NSUN3: variants seen among roughly 807,000 people sequenced by gnomAD.
NSUN3 encodes the protein NOP2/Sun RNA methyltransferase 3, also known as tRNA (cytosine(34)-C(5))-methyltransferase, mitochondrial.
In NSUN3, 24 loss-of-function variants were observed where a neutral mutation model predicts 36.8. The observed-to-expected ratio is 0.65, with a 90% CI of 0.47 to 0.92. The LOEUF (loss-of-function observed/expected upper bound fraction) is 0.92, where lower values mean the gene tolerates loss of function less well. Among genes scored for constraint, NSUN3 ranks in the 40% least tolerant of loss-of-function variants. The probability of loss-of-function intolerance (pLI) is 0.00; values close to 1 mark genes in which losing one functional copy is unlikely to be tolerated. For synonymous variants in NSUN3, 146 were observed against 145.2 expected, an observed-to-expected ratio of 1.01 and a Z score of -0.04; for missense variants, 381 against 392.8, an observed-to-expected ratio of 0.97 and a Z score of 0.25.
chr3:94,124,795 G>A (rs911034685), intron 5 of NSUN3, among the ~76,000 whole-genome samples: 2 of 152,150 alleles, frequency 1.3e-5, no homozygotes, highest in African/African-American at 4.8e-5. Context: ...CAGCTAGAAT[G>A]TAAGCTTCAT....
At position 94,084,263 on chromosome 3, in the gene NSUN3, T is replaced by C; in HGVS notation, c.279T>C (p.Leu93=). 6.2e-7 allele frequency: 1 copy of C among 1,614,114 alleles called. No individual in the cohort carries two copies. Among genetic ancestry groups the C allele is most frequent in the Non-Finnish European group, 8.5e-7 (1 of 1,180,016 alleles). ...PNYPKSVKCY[L]SRTPGRIPSE... Reference sequence around the variant, plus strand: ...ATCCTAAATCAGTGAAGTGTTACCTTAGCAGAACTCCGGGCCGAATCCCTT... The same window carrying C: ...ATCCTAAATCAGTGAAGTGTTACCTCAGCAGAACTCCGGGCCGAATCCCTT... The change falls in exon 3 of 6, where the codon CTT becomes CTC. Residue 93 remains leucine, a synonymous_variant. Coordinates refer to ENST00000314622, the MANE Select transcript of NSUN3 (RefSeq NM_022072.5).
intron 2 of NSUN3, among the ~76,000 whole-genome samples, chr3:94,081,037 G>C (rs1258441345): frequency 6.6e-6 from 1 of 152,188 alleles, no homozygotes; most frequent in African/African-American, 2.4e-5. Context: ...GGCCCTGGTG[G>C]GGTAGGCACC....
At chr3:94,071,182 G>A (rs936397959) in intron 2 of NSUN3, among the ~76,000 whole-genome samples, 1 of 152,104 alleles carries the variant, frequency 6.6e-6, no homozygotes, top group Non-Finnish European at 1.5e-5. Flanking sequence ...ACTTTTATAA[G>A]TTGTTTTGAT....
intron 5 of NSUN3, among the ~76,000 whole-genome samples, chr3:94,119,608 G>T (rs1229714932): frequency 2.0e-5 from 3 of 152,220 alleles, no homozygotes; most frequent in Non-Finnish European, 4.4e-5. Flanking sequence ...TAGGCCCAGG[G>T]ATTGGGGTCC....
chr3:94,077,207 C>T (rs764914944), intron 2 of NSUN3: 54 of 671,794 alleles, frequency 8.0e-5, no homozygotes, highest in South Asian at 5.5e-4. Flanking sequence ...ATACTGGAGT[C>T]GGGTGTTGCA....
At chr3:94,076,272 C>A (rs1364741157) in intron 2 of NSUN3, 9 of 901,326 alleles carry the variant, frequency 1.0e-5, no homozygotes, top group Non-Finnish European at 1.5e-5. Flanking sequence ...TTTCAGATTT[C>A]TCAGATCCCA....
chr3:94,103,963 C>T (rs1399029757), intron 5 of NSUN3, among the ~76,000 whole-genome samples: 1 of 152,180 alleles, frequency 6.6e-6, no homozygotes, highest in Non-Finnish European at 1.5e-5. Context: ...TTCTCATAAA[C>T]ATGTAGATAA....
chr3:94,065,708 G>A (rs915362940), intron 2 of NSUN3, among the ~76,000 whole-genome samples: 5 of 152,274 alleles, frequency 3.3e-5, no homozygotes, highest in African/African-American at 7.2e-5. Flanking sequence ...TATGCAAACC[G>A]TTTATACTCG....
At chr3:94,087,211 A>G (rs2077295654) in intron 3 of NSUN3, among the ~76,000 whole-genome samples, 1 of 152,230 alleles carries the variant, frequency 6.6e-6, no homozygotes, top group South Asian at 2.1e-4. Context: ...GCTGATGCTT[A>G]AAGCCCAAGT....
At chr3:94,088,881 C>A (rs2107250900) in intron 3 of NSUN3, among the ~76,000 whole-genome samples, 1 of 152,220 alleles carries the variant, frequency 6.6e-6, no homozygotes, top group Non-Finnish European at 1.5e-5. Context: ...GTTGGCCAGG[C>A]TGGTCTCGAG....
rs1178367730 is a variant in NSUN3, at chr3:94,131,092, T to TATA, written c.*4604_*4605insAAT. 6.6e-6 allele frequency among the ~76,000 whole-genome samples: 1 copy of TATA among 151,828 alleles called. No individual in the cohort carries two copies. On this transcript the variant is annotated 3_prime_UTR_variant, in exon 6 of 6. Coordinates refer to ENST00000314622, the MANE Select transcript of NSUN3 (RefSeq NM_022072.5). ...CATGCCTGGCTAATTTTTAAATTAT[T>TATA]ATTATTATTATTATTGTAGAGATGT... is the stretch of plus-strand genomic sequence containing the variant.
At position 94,084,456 on chromosome 3, in the gene NSUN3, G is replaced by A. The variant is rs369732392; in HGVS notation, c.466+6G>A. 3 of 1,595,700 alleles carry A rather than the reference G, an allele frequency of 1.9e-6. No individual in the cohort carries two copies. The highest frequency in any genetic ancestry group is 2.6e-6 in the Non-Finnish European group (3 of 1,170,140). ...GCTGCAGTGTGCTTGTCCAGGTAGT[G>A]TGCTTTCCTTTCAGTATTTGACAAC... is the stretch of plus-strand genomic sequence containing the variant. On this transcript the variant is annotated splice_donor_region_variant and intron_variant, in intron 3 of 5. Transcript: ENST00000314622.
At chr3:94,125,150 T>C (rs911063967) in intron 5 of NSUN3, among the ~76,000 whole-genome samples, 2 of 152,260 alleles carry the variant, frequency 1.3e-5, no homozygotes, top group African/African-American at 4.8e-5. Context: ...TGCTGATCTG[T>C]CTGCATTTAA....
At chr3:94,100,277 C>G (rs551989487) in intron 5 of NSUN3, among the ~76,000 whole-genome samples, 1 of 152,178 alleles carries the variant, frequency 6.6e-6, no homozygotes, top group African/African-American at 2.4e-5. Flanking sequence ...ACTTTATACA[C>G]GTGAGAACTT....
At position 94,076,782 on chromosome 3, in the gene NSUN3, G is replaced by A. The variant is rs111426797; in HGVS notation, c.123-7325G>A. On this transcript the variant is annotated intron_variant, in intron 2 of 5. Coordinates refer to ENST00000314622, the MANE Select transcript of NSUN3 (RefSeq NM_022072.5). ...ATACAAGGATTCTGGGGCATATAAC[G>A]GGCCCTGTTTACTTCTCCTTCATGG... 7,997 of 1,551,416 alleles carry A rather than the reference G, an allele frequency of 5.2e-3. 169 individuals carry two copies. In the African/African-American group the frequency reaches 0.059, roughly 11 times the overall value.
At chr3:94,090,145 G>T (rs1007684607) in intron 3 of NSUN3, among the ~76,000 whole-genome samples, 5 of 152,004 alleles carry the variant, frequency 3.3e-5, no homozygotes, top group Non-Finnish European at 1.5e-5. Flanking sequence ...AGATTGCCAT[G>T]TACAAATGCT....
intron 5 of NSUN3, among the ~76,000 whole-genome samples, chr3:94,121,996 T>G (rs2077464584): frequency 6.6e-6 from 1 of 150,932 alleles, no homozygotes; most frequent in East Asian, 2.0e-4. Flanking sequence ...AGTACAAAAA[T>G]TAGCCAGGCG....
chr3:94,105,723 A>G (rs1207884250), intron 5 of NSUN3, among the ~76,000 whole-genome samples: 1 of 151,990 alleles, frequency 6.6e-6, no homozygotes, highest in East Asian at 1.9e-4. Context: ...TCACTTGAAG[A>G]AAGTTTCTTC....
rs140052776 is a variant in NSUN3, at chr3:94,129,270, T to G, written c.*2780T>G. Among the ~76,000 whole-genome samples the G allele has an allele frequency of 5.1e-3, 773 of 152,282 alleles. 7 individuals are homozygous for G. The highest frequency in any genetic ancestry group is 0.017 in the African/African-American group (704 of 41,560). On this transcript the variant is annotated 3_prime_UTR_variant, in exon 6 of 6. Coordinates refer to ENST00000314622, the MANE Select transcript of NSUN3 (RefSeq NM_022072.5). The stretch of plus-strand genomic sequence containing the variant: ...ATCAACCTAACCGCCCATCAGCAGT[T>G]GATTGAATAAAGGAAATGTGGTACA...
Sources: gnomAD v4.1 joint callset for allele counts (sites outside exome capture counted in the v4.1 genomes callset) on GRCh38, gnomAD v4.1.1 for gene constraint, MANE v1.5 for transcripts, NCBI Gene and HGNC (gene_info 2026-07-23, HGNC 2026-07-21) for gene names.